Variants in AGBL1 observed in about 807,000 individuals in gnomAD.
AGBL1 encodes AGBL carboxypeptidase 1, also known as cytosolic carboxypeptidase 4.
In AGBL1, 130 loss-of-function variants were observed where a neutral mutation model predicts 118.9. The observed-to-expected ratio is 1.09, with a 90% CI of 0.95 to 1.26. The LOEUF (loss-of-function observed/expected upper bound fraction) is 1.26. Ranked by LOEUF, AGBL1 falls within the 50% of genes most tolerant of loss-of-function variation. The pLI, the probability that AGBL1 is intolerant of heterozygous loss-of-function variation, is 0.00. For missense variants in AGBL1, 1,584 were observed against 1,298.1 expected (o/e 1.22, Z -3.38); for synonymous variants, 555 against 478.9 (o/e 1.16, Z -2.08).
intron 22 of AGBL1, among the ~76,000 whole-genome samples, chr15:86,849,517 C>CTTTTCT (rs1555456695): frequency 1.5e-5 from 2 of 136,798 alleles, no homozygotes; most frequent in East Asian, 2.1e-4. Flanking sequence ...TTCTTTCTTT[C>CTTTTCT]TTTTTTTTTT....
At chr15:86,988,464 T>G (rs993349563) in intron 24 of AGBL1, 1 of 161,358 alleles carries the variant, frequency 6.2e-6, no homozygotes, top group Non-Finnish European at 1.3e-5. Flanking sequence ...TTAAAATACC[T>G]ATTCATATCA....
intron 22 of AGBL1, among the ~76,000 whole-genome samples, chr15:86,890,064 A>C (rs1332524415): frequency 6.6e-6 from 1 of 152,050 alleles, no homozygotes; most frequent in Non-Finnish European, 1.5e-5. Context: ...ATCTGTTGTT[A>C]CTGGACTTTT....
At chr15:86,773,370 C>T (rs2078208526) in intron 22 of AGBL1, among the ~76,000 whole-genome samples, 1 of 152,032 alleles carries the variant, frequency 6.6e-6, no homozygotes, top group South Asian at 2.1e-4. Context: ...GGAAATCTAA[C>T]TCTTCCACAT....
intron 18 of AGBL1, among the ~76,000 whole-genome samples, chr15:86,404,166 G>C (rs903975852): frequency 3.3e-5 from 5 of 152,110 alleles, no homozygotes; most frequent in South Asian, 4.1e-4. Flanking sequence ...TTCATATCCA[G>C]GGTGCCTGGG....
intron 17 of AGBL1, among the ~76,000 whole-genome samples, chr15:86,326,443 A>T (rs921042598): frequency 1.3e-5 from 2 of 152,234 alleles, no homozygotes; most frequent in African/African-American, 4.8e-5. Flanking sequence ...TCAGTTTATT[A>T]TACAATGTAA....
intron 21 of AGBL1, among the ~76,000 whole-genome samples, chr15:86,660,579 T>G (rs957190641): frequency 6.6e-6 from 1 of 152,102 alleles, no homozygotes; most frequent in African/African-American, 2.4e-5. Context: ...TTTTTACTGA[T>G]TTTTTAAGTT....
intron 18 of AGBL1, among the ~76,000 whole-genome samples, chr15:86,429,430 G>A (rs994682150): frequency 6.6e-6 from 1 of 152,194 alleles, no homozygotes; most frequent in Non-Finnish European, 1.5e-5. Context: ...TTCTTCGAAA[G>A]TAAAAGTTTT....
rs61365024 is a variant in AGBL1 at position 86,262,078 on chromosome 15, C to CTTTTTTTTTTT, written c.970-694_970-684dup. Among the ~76,000 whole-genome samples, 90 of 52,762 alleles carry CTTTTTTTTTTT rather than the reference C, an allele frequency of 1.7e-3. 23 individuals are homozygous for CTTTTTTTTTTT. Among genetic ancestry groups the CTTTTTTTTTTT allele is most frequent in the Admixed American group, 4.2e-3 (13 of 3,078 alleles). 34.6% of individuals were successfully genotyped at this position (52,762 alleles called of 152,430 possible). ...CACTGCTAGGCCTATGCATAGCTGG[C>CTTTTTTTTTTT]TTTTTTTTTTTTTTTTGCCATTTAG... On this transcript the variant is annotated intron_variant, in intron 9 of 22. Coordinates refer to ENST00000614907, the MANE Select transcript of AGBL1 (RefSeq NM_001386094.1).
At chr15:86,832,998 G>A (rs958650481) in intron 22 of AGBL1, among the ~76,000 whole-genome samples, 43 of 152,162 alleles carry the variant, frequency 2.8e-4, no homozygotes, top group African/African-American at 1.0e-3. Context: ...GAGGAACAAA[G>A]TCATGTCTTA....
chr15:86,921,177 G>T (rs1179192656), intron 23 of AGBL1, among the ~76,000 whole-genome samples: 1 of 152,198 alleles, frequency 6.6e-6, no homozygotes, highest in African/African-American at 2.4e-5. Flanking sequence ...AGGATTCAAA[G>T]ATTTTTCTCA....
intron 1 of AGBL1, among the ~76,000 whole-genome samples, chr15:86,117,714 A>G (rs1897849677): frequency 6.6e-6 from 1 of 152,220 alleles, no homozygotes; most frequent in Non-Finnish European, 1.5e-5. Context: ...CAAATGGGAC[A>G]CGTCATCCTT....
At chr15:86,599,320 C>T (rs1038737246) in intron 21 of AGBL1, among the ~76,000 whole-genome samples, 2 of 147,850 alleles carry the variant, frequency 1.4e-5, no homozygotes, top group African/African-American at 2.4e-5. Context: ...AATCATGTAA[C>T]TGAAGATGTT....
intron 4 of AGBL1, among the ~76,000 whole-genome samples, chr15:86,155,643 T>C (rs1784509525): frequency 6.6e-6 from 1 of 152,164 alleles, no homozygotes; most frequent in South Asian, 2.1e-4. Flanking sequence ...GTTCCCTTCC[T>C]ATGAAATGAA....
At chr15:86,847,538 T>C (rs1028931904) in intron 22 of AGBL1, among the ~76,000 whole-genome samples, 1 of 152,184 alleles carries the variant, frequency 6.6e-6, no homozygotes, top group African/African-American at 2.4e-5. Context: ...TGTTTTTGTT[T>C]TATTCATGGA....
intron 17 of AGBL1, among the ~76,000 whole-genome samples, chr15:86,351,957 G>A (rs1000316121): frequency 5.9e-5 from 9 of 152,098 alleles, no homozygotes; most frequent in African/African-American, 1.9e-4. Flanking sequence ...AGTGTAGCAG[G>A]CACATGATTT....
chr15:86,827,374 TATATATATACAC>T (rs2079031467), intron 22 of AGBL1, among the ~76,000 whole-genome samples: 1 of 9,812 alleles, frequency 1.0e-4, no homozygotes. Flanking sequence ...TGTGTGTATA[TATATATATACAC>T]ATATATATAT....
chr15:86,717,549 T>C (rs1326247956), intron 22 of AGBL1, among the ~76,000 whole-genome samples: 1 of 152,118 alleles, frequency 6.6e-6, no homozygotes, highest in Non-Finnish European at 1.5e-5. Context: ...GTTTTCAATG[T>C]TTTGCAGACA....
At chr15:86,812,016 C>T (rs575648567) in intron 22 of AGBL1, among the ~76,000 whole-genome samples, 5 of 152,284 alleles carry the variant, frequency 3.3e-5, no homozygotes, top group Admixed American at 6.5e-5. Flanking sequence ...TAAGAACGCA[C>T]TTTGTAAACT....
At chr15:86,838,521 A>G (rs1041686099) in intron 22 of AGBL1, among the ~76,000 whole-genome samples, 1 of 152,178 alleles carries the variant, frequency 6.6e-6, no homozygotes, top group Non-Finnish European at 1.5e-5. Flanking sequence ...TGGTGACATT[A>G]TCTTAGCAAG....
Sources: gnomAD v4.1 joint callset for allele counts (sites outside exome capture counted in the v4.1 genomes callset) on GRCh38, gnomAD v4.1.1 for gene constraint, MANE v1.5 for transcripts, NCBI Gene and HGNC (gene_info 2026-07-23, HGNC 2026-07-21) for gene names.